Variants in PRKCA observed in about 807,000 individuals in gnomAD.
The protein encoded by PRKCA is protein kinase C alpha, also known as protein kinase C alpha type.
In PRKCA, 27 loss-of-function variants were observed where a neutral mutation model predicts 87.0. The observed-to-expected ratio is 0.31, with a 90% CI of 0.23 to 0.43. The LOEUF (loss-of-function observed/expected upper bound fraction) is 0.43, where lower values mean the gene tolerates loss of function less well. PRKCA is among the 20% of genes least tolerant of loss of function. The probability of loss-of-function intolerance (pLI) is 1.00; values close to 1 mark genes in which losing one functional copy is unlikely to be tolerated. For missense variants in PRKCA, 518 were observed against 852.3 expected, an observed-to-expected ratio of 0.61 and a Z score of 4.88; for synonymous variants, 329 against 311.1, an observed-to-expected ratio of 1.06 and a Z score of -0.61.
chr17:66,561,586 G>A (rs1332798224), intron 3 of PRKCA, among the ~76,000 whole-genome samples: 7 of 152,140 alleles, frequency 4.6e-5, no homozygotes, highest in South Asian at 2.1e-4. Flanking sequence ...AGAGGGTCTC[G>A]AAGAGATACT....
At chr17:66,384,032 T>C (rs1444199266) in intron 2 of PRKCA, among the ~76,000 whole-genome samples, 1 of 152,206 alleles carries the variant, frequency 6.6e-6, no homozygotes, top group Non-Finnish European at 1.5e-5. Context: ...CATTGCACTT[T>C]CCTATTTTTT....
chr17:66,690,245 G>C (rs1332087913), intron 8 of PRKCA, among the ~76,000 whole-genome samples: 1 of 152,202 alleles, frequency 6.6e-6, no homozygotes, highest in South Asian at 2.1e-4. Flanking sequence ...GGGGCTCTTT[G>C]GTTAGATGTC....
chr17:66,353,078 T>A (rs554846047), intron 2 of PRKCA, among the ~76,000 whole-genome samples: 1 of 152,308 alleles, frequency 6.6e-6, no homozygotes, highest in East Asian at 1.9e-4. Context: ...TGAAGATAGG[T>A]TCTTTTTATG....
intron 5 of PRKCA, among the ~76,000 whole-genome samples, chr17:66,648,688 G>A (rs969081461): frequency 9.2e-5 from 14 of 152,242 alleles, no homozygotes; most frequent in African/African-American, 3.1e-4. Context: ...AGTAATTTAA[G>A]ATTTTCAGAA....
chr17:66,320,208 A>G (rs1043764673), intron 2 of PRKCA, among the ~76,000 whole-genome samples: 4 of 152,174 alleles, frequency 2.6e-5, no homozygotes, highest in African/African-American at 9.7e-5. Flanking sequence ...ACTGGCTATA[A>G]GAGTTAAGTG....
Position 66,480,678 on chromosome 17 carries a change from G to A in PRKCA, c.206-15523G>A, listed in dbSNP as rs1420519865. Among the ~76,000 whole-genome samples, 3 of 151,962 alleles carry A rather than the reference G, an allele frequency of 2.0e-5. 1 individual carries two copies. Among genetic ancestry groups the A allele is most frequent in the Non-Finnish European group, 2.9e-5 (2 of 68,018 alleles). On this transcript the variant is annotated intron_variant, in intron 2 of 16. Coordinates refer to ENST00000413366, the MANE Select transcript of PRKCA (RefSeq NM_002737.3). ...ATACCCTCTTTTCTGTTCTGAGACT[G>A]TTCTATGGCCATTCCACCATTGATT...
At chr17:66,690,324 G>A (rs1215130228) in intron 8 of PRKCA, among the ~76,000 whole-genome samples, 1 of 152,164 alleles carries the variant, frequency 6.6e-6, no homozygotes, top group Admixed American at 6.5e-5. Flanking sequence ...CCTCGGGATT[G>A]AAGCAGGAGG....
Position 66,371,251 on chromosome 17 carries a change from C to T in PRKCA, c.205+65124C>T, listed in dbSNP as rs369541843. The stretch of plus-strand genomic sequence containing the variant: ...TCTCCTGATTCTAAAACTGCCTGAC[C>T]CTACCCTGGAGTCACTGATCAGGTT... On this transcript the variant is annotated intron_variant, in intron 2 of 16. Coordinates refer to ENST00000413366, the MANE Select transcript of PRKCA (RefSeq NM_002737.3). Among the ~76,000 whole-genome samples the T allele has an allele frequency of 1.2e-3, 184 of 152,286 alleles. 1 individual carries two copies. The South Asian group carries it at 0.013, about 11-fold the overall frequency.
chr17:66,566,480 G>GTTTTTTTTTTTTTTTTTTTT (rs56912157), intron 3 of PRKCA, among the ~76,000 whole-genome samples: 4 of 97,024 alleles, frequency 4.1e-5, no homozygotes, highest in African/African-American at 7.4e-5. Context: ...TTGTTTTTTG[G>GTTTTTTTTTTTTTTTTTTTT]TTTTTTTTTT....
At chr17:66,423,067 C>A (rs1181886413) in intron 2 of PRKCA, among the ~76,000 whole-genome samples, 2 of 151,906 alleles carry the variant, frequency 1.3e-5, no homozygotes. Context: ...GCCCAGATCA[C>A]GCCATTGCAC....
chr17:66,705,036 A>G (rs1973157304), intron 8 of PRKCA, among the ~76,000 whole-genome samples: 1 of 152,212 alleles, frequency 6.6e-6, no homozygotes, highest in Non-Finnish European at 1.5e-5. Context: ...TGCCACGGTT[A>G]CTATGGAAAC....
At chr17:66,529,219 A>T (rs1479811457) in intron 3 of PRKCA, among the ~76,000 whole-genome samples, 1 of 152,228 alleles carries the variant, frequency 6.6e-6, no homozygotes, top group Non-Finnish European at 1.5e-5. Flanking sequence ...AGATGACAAT[A>T]GCATTCTGTA....
intron 2 of PRKCA, among the ~76,000 whole-genome samples, chr17:66,417,768 T>C (rs1172423237): frequency 6.6e-6 from 1 of 152,128 alleles, no homozygotes; most frequent in Non-Finnish European, 1.5e-5. Context: ...CTGATAGAGA[T>C]AGTTATTCCT....
intron 3 of PRKCA, among the ~76,000 whole-genome samples, chr17:66,556,252 T>C (rs1234521936): frequency 1.3e-5 from 2 of 152,000 alleles, no homozygotes; most frequent in African/African-American, 4.8e-5. Context: ...AAATATGCAT[T>C]TGTACCTGGA....
chr17:66,499,924 C>T (rs996578125), intron 3 of PRKCA, among the ~76,000 whole-genome samples: 5 of 152,098 alleles, frequency 3.3e-5, no homozygotes, highest in Admixed American at 1.3e-4. Flanking sequence ...CATCTCATGC[C>T]GAATGTGTCT....
intron 3 of PRKCA, among the ~76,000 whole-genome samples, chr17:66,498,591 T>G (rs1427675288): frequency 6.6e-6 from 1 of 152,216 alleles, no homozygotes; most frequent in Non-Finnish European, 1.5e-5. Flanking sequence ...AGAGATATGC[T>G]CCTTGCCTTC....
chr17:66,491,253 G>A (rs566151901), intron 2 of PRKCA, among the ~76,000 whole-genome samples: 16 of 152,220 alleles, frequency 1.1e-4, no homozygotes, highest in African/African-American at 3.9e-4. Context: ...ACTGGAAGCT[G>A]CAGGATAGCA....
intron 5 of PRKCA, chr17:66,676,685 A>T (rs1327963684): frequency 6.6e-6 from 1 of 152,276 alleles, no homozygotes; most frequent in East Asian, 1.9e-4. Context: ...GCCAGATCAG[A>T]TACCCTGAGG....
intron 8 of PRKCA, among the ~76,000 whole-genome samples, chr17:66,713,049 C>CTTTTTTTTT (rs564655403): frequency 5.7e-5 from 6 of 104,414 alleles, no homozygotes; most frequent in Non-Finnish European, 9.1e-5. Context: ...CTTTGTTGTC[C>CTTTTTTTTT]TTTTTTTTTT....
Sources: allele counts gnomAD v4.1 joint callset (sites outside exome capture counted in the v4.1 genomes callset), GRCh38; gene constraint gnomAD v4.1.1; transcripts MANE v1.5; gene names NCBI Gene and HGNC (gene_info 2026-07-23, HGNC 2026-07-21).